TBC1D31: variants seen among roughly 807,000 people sequenced by gnomAD.
TBC1D31 encodes the protein TBC1 domain family member 31.
TBC1D31 carries 99 observed loss-of-function variants against 132.9 expected under a neutral mutation model. That is an observed-to-expected ratio of 0.74 (90% confidence interval 0.63 to 0.88). The LOEUF is 0.88. TBC1D31 is among the 40% of genes least tolerant of loss of function. TBC1D31 has a pLI of 0.00. For missense variants in TBC1D31, 1,134 were observed against 1,256.6 expected (o/e 0.90, Z 1.48); for synonymous variants, 385 against 419.4 (o/e 0.92, Z 1.00).
the TBC1D31 span, among the ~76,000 whole-genome samples, chr8:123,160,516 G>A: frequency 1.3e-5 from 2 of 152,016 alleles, no homozygotes; most frequent in African/African-American, 4.8e-5. Flanking sequence ...GGAGGAGGAG[G>A]CTACCTGGAG....
downstream of TBC1D31, among the ~76,000 whole-genome samples, chr8:123,153,914 A>G (rs1011700252): frequency 6.6e-6 from 1 of 152,272 alleles, no homozygotes; most frequent in Non-Finnish European, 1.5e-5. Context: ...CTTCAGCTAA[A>G]TCACTCTCCA....
chr8:123,117,752 CAAAAAAAAAAA>C (rs71310657), intron 10 of TBC1D31, among the ~76,000 whole-genome samples: 9 of 89,930 alleles, frequency 1.0e-4, no homozygotes, highest in South Asian at 4.1e-4. Context: ...AACTCCGTCT[CAAAAAAAAAAA>C]AAAAAAAAAA....
At chr8:123,074,034 A>T (rs1814215564) in intron 1 of TBC1D31, among the ~76,000 whole-genome samples, 2 of 140,872 alleles carry the variant, frequency 1.4e-5, no homozygotes, top group African/African-American at 5.3e-5. Context: ...ACAAATCAGA[A>T]TTTTTTTTTT....
At chr8:123,140,696 A>T in intron 17 of TBC1D31, 65 bp from the exon 18 acceptor site, 1 of 1,376,360 alleles carries the variant, frequency 7.3e-7, no homozygotes, top group South Asian at 1.3e-5. Context: ...TATTCTGAAA[A>T]AAGTCATTTT....
chr8:123,097,944 G>A (rs954082768), intron 6 of TBC1D31: 2 of 152,284 alleles, frequency 1.3e-5, no homozygotes, highest in African/African-American at 4.8e-5. Context: ...AGTTTACAGA[G>A]TGCTTCTTCC....
intron 20 of TBC1D31, among the ~76,000 whole-genome samples, chr8:123,145,403 A>G (rs1316860098): frequency 6.6e-6 from 1 of 152,196 alleles, no homozygotes; most frequent in Non-Finnish European, 1.5e-5. Flanking sequence ...GTTCTGTTTG[A>G]TTCTGTTGCT....
intron 20 of TBC1D31, among the ~76,000 whole-genome samples, chr8:123,145,367 A>C (rs17316158): frequency 0.081 from 12,283 of 152,230 alleles, 531 homozygotes; most frequent in Non-Finnish European, 0.092. Context: ...AGTCGAGGAA[A>C]AAGTTTGTGC....
In TBC1D31 at chr8:123,097,263, C is replaced by T. The variant is rs1373183866; in HGVS notation, c.672-19C>T. 3.1e-6 allele frequency: 5 copies of T among 1,609,816 alleles called. No individual in the cohort carries two copies. In the Admixed American group the frequency reaches 5.1e-5, roughly 16 times the overall value. On this transcript the variant is annotated intron_variant, in intron 5 of 21. Transcript: ENST00000287380. ...AACAATTGAACCCGTTTTTCTTTCT[C>T]ACTTTTTTGTTTATATAGAGATGGC...
Position 123,140,994 on chromosome 8 carries a change from G to A in TBC1D31, c.2640+93G>A, listed in dbSNP as rs1031543024. On this transcript the variant is annotated intron_variant, in intron 18 of 21. Coordinates refer to ENST00000287380, the MANE Select transcript of TBC1D31 (RefSeq NM_145647.4). ...CAAAATCGAAATTAAACTCTGTGAA[G>A]TTGAGTTAGTTTGTTTCTTTGCTTC... The A allele has an allele frequency of 1.2e-5, 14 of 1,196,278 alleles. No homozygotes were observed. The Admixed American group carries it at 1.9e-4, about 16-fold the overall frequency. 74.1% of individuals were successfully genotyped at this position (1,196,278 alleles called of 1,614,324 possible).
At chr8:123,153,353 G>A (rs1822905071), downstream of TBC1D31, among the ~76,000 whole-genome samples, 1 of 151,972 alleles carries the variant, frequency 6.6e-6, no homozygotes, top group African/African-American at 2.4e-5. Context: ...ACCTAGTCAG[G>A]TCTCTTTTGC....
chr8:123,081,040 G>T (rs1298156895), intron 2 of TBC1D31, among the ~76,000 whole-genome samples: 2 of 152,038 alleles, frequency 1.3e-5, no homozygotes, highest in African/African-American at 4.8e-5. Flanking sequence ...CTTCCTAATT[G>T]TTCAATCCAT....
chr8:123,163,228 T>C, the TBC1D31 span, among the ~76,000 whole-genome samples: 1 of 151,832 alleles, frequency 6.6e-6, no homozygotes, highest in African/African-American at 2.4e-5. Flanking sequence ...CCTTTTATTT[T>C]TTAAACAGCT....
At chr8:123,097,092 A>G (rs1043321339) in intron 5 of TBC1D31, among the ~76,000 whole-genome samples, 190 bp from the exon 6 acceptor site, 2 of 152,228 alleles carry the variant, frequency 1.3e-5, no homozygotes, top group Non-Finnish European at 2.9e-5. Context: ...TACAAATTAA[A>G]TAAAATTTAA....
At chr8:123,147,769 G>A (rs1329759254) in intron 20 of TBC1D31, among the ~76,000 whole-genome samples, 1 of 152,082 alleles carries the variant, frequency 6.6e-6, no homozygotes, top group Admixed American at 6.6e-5. Flanking sequence ...CTTAATCAGG[G>A]TATATAGATT....
chr8:123,074,309 C>A (rs777100159), intron 1 of TBC1D31, among the ~76,000 whole-genome samples: 1 of 152,164 alleles, frequency 6.6e-6, no homozygotes. Context: ...CGTAAGCCAC[C>A]GCGCCTGGCC....
At chr8:123,163,512 G>A in the TBC1D31 span, among the ~76,000 whole-genome samples, 2 of 151,654 alleles carry the variant, frequency 1.3e-5, no homozygotes, top group Non-Finnish European at 1.5e-5. Context: ...CCACATGGGC[G>A]TGCCACCACA....
chr8:123,110,749 C>T (rs1818365181), intron 10 of TBC1D31, among the ~76,000 whole-genome samples: 1 of 152,028 alleles, frequency 6.6e-6, no homozygotes, highest in South Asian at 2.1e-4. Flanking sequence ...ATCATACTGA[C>T]ACACAAAAAA....
chr8:123,104,071 G>A (rs1170189701), intron 7 of TBC1D31: 1 of 152,104 alleles, frequency 6.6e-6, no homozygotes, highest in East Asian at 1.9e-4. Flanking sequence ...ACACTACAAA[G>A]GTATGTCAAG....
At chr8:123,109,998 C>T (rs1818295895) in intron 10 of TBC1D31, among the ~76,000 whole-genome samples, 1 of 152,076 alleles carries the variant, frequency 6.6e-6, no homozygotes, top group South Asian at 2.1e-4. Context: ...GAGGCTGAGG[C>T]AGGGAGAATC....
Sources: allele counts gnomAD v4.1 joint callset (sites outside exome capture counted in the v4.1 genomes callset), GRCh38; gene constraint gnomAD v4.1.1; transcripts MANE v1.5; gene names NCBI Gene and HGNC (gene_info 2026-07-23, HGNC 2026-07-21).